The following STK3 variants were observed in gnomAD, a reference collection of about 807,000 sequenced individuals.
STK3 encodes the protein serine/threonine kinase 3, also known as serine/threonine-protein kinase 3.
In STK3, 41 loss-of-function variants were observed where a neutral mutation model predicts 58.0. The ratio of observed to expected loss-of-function variants is 0.71; its 90% CI spans 0.55 to 0.92. The LOEUF (loss-of-function observed/expected upper bound fraction) is 0.92, where lower values mean the gene tolerates loss of function less well. Ranked by LOEUF, STK3 falls within the 40% of genes least tolerant of loss-of-function variation. STK3 has a pLI of 0.00. For synonymous variants in STK3, 170 were observed against 191.0 expected (o/e 0.89, Z 0.91); for missense variants, 479 against 602.7 (o/e 0.79, Z 2.15).
chr8:98,582,929 A>G (rs1018712803), intron 7 of STK3, among the ~76,000 whole-genome samples: 2 of 152,116 alleles, frequency 1.3e-5, no homozygotes, highest in South Asian at 2.1e-4. Flanking sequence ...TATGTCTTTA[A>G]TTTGTAACAT....
chr8:98,554,066 A>G (rs1218553119), intron 8 of STK3, among the ~76,000 whole-genome samples: 3 of 152,136 alleles, frequency 2.0e-5, no homozygotes, highest in African/African-American at 7.2e-5. Context: ...CATACAACAA[A>G]TAAGTAGAGA....
intron 9 of STK3, among the ~76,000 whole-genome samples, chr8:98,529,950 G>C (rs1826045156): frequency 6.6e-6 from 1 of 152,126 alleles, no homozygotes; most frequent in Admixed American, 6.6e-5. Flanking sequence ...GAAATTGATG[G>C]TGGTGATGGC....
chr8:98,654,091 A>T (rs1457426999), intron 6 of STK3, among the ~76,000 whole-genome samples: 1 of 152,226 alleles, frequency 6.6e-6, no homozygotes, highest in East Asian at 1.9e-4. Flanking sequence ...TCAATAAAAT[A>T]CTGACAAACC....
intron 1 of STK3, among the ~76,000 whole-genome samples, chr8:98,909,160 CAAACAA>C (rs1403575464): frequency 6.6e-6 from 1 of 152,136 alleles, no homozygotes; most frequent in Non-Finnish European, 1.5e-5. Flanking sequence ...GACTCTGTCT[CAAACAA>C]AAACAAAAAC....
At chr8:98,464,471 T>C (rs1731795758) in intron 10 of STK3, among the ~76,000 whole-genome samples, 2 of 126,072 alleles carry the variant, frequency 1.6e-5, no homozygotes, top group South Asian at 2.3e-4. Flanking sequence ...GGTTTAGATA[T>C]ACATAAACAG....
At chr8:98,620,682 TA>T (rs760566416) in intron 6 of STK3, among the ~76,000 whole-genome samples, 7 of 151,112 alleles carry the variant, frequency 4.6e-5, no homozygotes, top group Admixed American at 2.6e-4. Flanking sequence ...AAGAAAATAA[TA>T]AAGAGTAGAA....
chr8:98,507,107 T>C (rs949470592), intron 10 of STK3, among the ~76,000 whole-genome samples: 2 of 152,224 alleles, frequency 1.3e-5, no homozygotes, highest in Non-Finnish European at 1.5e-5. Context: ...TTCTTCTCTA[T>C]ATATACTCAT....
At chr8:98,869,074 G>GGAAGGAAA (rs1564072423) in intron 3 of STK3, among the ~76,000 whole-genome samples, 4 of 130,392 alleles carry the variant, frequency 3.1e-5, no homozygotes, top group African/African-American at 1.2e-4. Context: ...AAGGAAGGAA[G>GGAAGGAAA]GAAGGAAGGA....
At chr8:98,823,432 G>C (rs564279180) in intron 1 of STK3, among the ~76,000 whole-genome samples, 1 of 151,122 alleles carries the variant, frequency 6.6e-6, no homozygotes, top group Non-Finnish European at 1.5e-5. Context: ...TGATAAGAAA[G>C]AGAGTTTCAA....
intron 6 of STK3, among the ~76,000 whole-genome samples, chr8:98,629,907 T>G (rs190635442): frequency 3.7e-4 from 57 of 152,268 alleles, no homozygotes; most frequent in African/African-American, 1.2e-3. Context: ...TCTTATATTC[T>G]GGGACTATTA....
At chr8:98,894,117 G>C (rs1278529010) in intron 1 of STK3, among the ~76,000 whole-genome samples, 1 of 152,096 alleles carries the variant, frequency 6.6e-6, no homozygotes, top group East Asian at 1.9e-4. Context: ...CCCGTGATAG[G>C]GGGTATTTTC....
chr8:98,570,761 T>A (rs768205526), intron 8 of STK3, among the ~76,000 whole-genome samples: 2 of 152,212 alleles, frequency 1.3e-5, no homozygotes, highest in Admixed American at 6.5e-5. Context: ...GAGCATACTA[T>A]GTGCAAAACA....
At chr8:98,667,995 T>A (rs1822498062) in intron 6 of STK3, among the ~76,000 whole-genome samples, 1 of 152,126 alleles carries the variant, frequency 6.6e-6, no homozygotes, top group Non-Finnish European at 1.5e-5. Context: ...CATTAGAGTA[T>A]TAGACACTTT....
chr8:98,597,863 T>G, intron 6 of STK3: 5 of 982,962 alleles, frequency 5.1e-6, no homozygotes, highest in Non-Finnish European at 4.8e-6. Context: ...AGCAAACAAC[T>G]GAGTGCCAGA....
At chr8:98,402,501 A>G (rs1364924771) in intron 3 of STK3, among the ~76,000 whole-genome samples, 1 of 152,122 alleles carries the variant, frequency 6.6e-6, no homozygotes, top group Non-Finnish European at 1.5e-5. Context: ...AGAAACAGGG[A>G]GGGTTCTGTG....
chr8:98,693,836 T>G (rs1337046798), intron 6 of STK3, among the ~76,000 whole-genome samples: 2 of 151,618 alleles, frequency 1.3e-5, no homozygotes, highest in African/African-American at 4.8e-5. Context: ...CCAGAATTTC[T>G]CAAGCAAATT....
At chr8:98,653,860 A>C (rs1245002863) in intron 6 of STK3, among the ~76,000 whole-genome samples, 1 of 151,408 alleles carries the variant, frequency 6.6e-6, no homozygotes, top group Non-Finnish European at 1.5e-5. Context: ...CAACCAAAAA[A>C]ACTCCAGGAC....
chr8:98,345,613 T>C, the STK3 span, among the ~76,000 whole-genome samples: 3 of 151,976 alleles, frequency 2.0e-5, no homozygotes, highest in African/African-American at 2.4e-5. Flanking sequence ...GATGTTCACA[T>C]AGGACTGGAA....
At chr8:98,756,993 C>A (rs1830324437) in intron 3 of STK3, among the ~76,000 whole-genome samples, 1 of 152,132 alleles carries the variant, frequency 6.6e-6, no homozygotes, top group Non-Finnish European at 1.5e-5. Flanking sequence ...CCAGGGAAAC[C>A]ACACAAACAT....
Sources: gnomAD v4.1 joint callset for allele counts (sites outside exome capture counted in the v4.1 genomes callset) on GRCh38, gnomAD v4.1.1 for gene constraint, MANE v1.5 for transcripts, NCBI Gene and HGNC (gene_info 2026-07-23, HGNC 2026-07-21) for gene names.